The following PCM1 variants were observed in gnomAD, a reference collection of about 807,000 sequenced individuals.
The protein encoded by PCM1 is pericentriolar material 1.
Under a neutral mutation model 241.9 loss-of-function variants are expected in PCM1, and 157 were observed. That is an observed-to-expected ratio of 0.65 (90% CI 0.57 to 0.74). The LOEUF (loss-of-function observed/expected upper bound fraction) is 0.74. Ranked by LOEUF, PCM1 falls within the 30% of genes least tolerant of loss-of-function variation. PCM1 has a pLI of 0.00. For missense variants in PCM1, 3,478 were observed against 2,360.1 expected (o/e 1.47, Z -9.81); for synonymous variants, 1,085 against 784.9 (o/e 1.38, Z -6.39).
chr8:17,974,830 A>G (rs971179961), intron 23 of PCM1, among the ~76,000 whole-genome samples: 4 of 150,996 alleles, frequency 2.6e-5, no homozygotes, highest in Non-Finnish European at 5.9e-5. Flanking sequence ...ATTCAAGACC[A>G]TCTGTCAGTG....
intron 38 of PCM1, among the ~76,000 whole-genome samples, chr8:18,025,947 G>A (rs935763386): frequency 3.6e-4 from 54 of 151,924 alleles, no homozygotes; most frequent in African/African-American, 1.2e-3. Flanking sequence ...GGTGGATCAC[G>A]AGGTCAGGAG....
In PCM1 at chr8:17,933,732, A is replaced by G. The variant is rs543825856; in HGVS notation, c.-22-1857A>G. 4.0e-4 allele frequency among the ~76,000 whole-genome samples: 61 copies of G among 152,268 alleles called. No homozygotes were observed. In the Middle Eastern group the frequency reaches 0.028, roughly 69 times the overall value. ...GACGTTCTCTAGATTTTTAAAAAAT[A>G]CCTACTCTTTAAGAATACCACCTTT... On this transcript the variant is annotated intron_variant, in intron 2 of 38. Transcript: ENST00000325083.
At chr8:17,933,033 A>C (rs2059483860) in intron 2 of PCM1, among the ~76,000 whole-genome samples, 1 of 151,824 alleles carries the variant, frequency 6.6e-6, no homozygotes. Context: ...TGAGGTGAAG[A>C]ATACCACTTA....
Position 17,953,035 on chromosome 8 carries a change from G to T in PCM1, c.1137G>T (p.Gln379His), listed in dbSNP as rs981331877. 1 of 1,608,580 alleles carries T rather than the reference G, an allele frequency of 6.2e-7. No individual in the cohort carries two copies. ...ESLSLTREVS[Q>H]SRKPSASERL... ...TTTCATTAACTAGGGAGGTTTCCCAGAGCAGGAAACCATCAGCTTCAGAAC... is the reference window on the plus strand; with the variant it reads ...TTTCATTAACTAGGGAGGTTTCCCATAGCAGGAAACCATCAGCTTCAGAAC... Residue 379 changes from glutamine to histidine, a missense_variant, in exon 9 of 39, where the codon CAG (glutamine) becomes CAT (histidine). Coordinates refer to ENST00000325083, the MANE Select transcript of PCM1 (RefSeq NM_006197.4).
intron 29 of PCM1, among the ~76,000 whole-genome samples, chr8:18,003,457 T>A (rs3898982): frequency 1.3e-5 from 2 of 152,086 alleles, no homozygotes; most frequent in East Asian, 1.9e-4. Context: ...TAGAATGACC[T>A]TCTCCTCTTT....
intron 4 of PCM1, among the ~76,000 whole-genome samples, chr8:17,937,777 T>C (rs2060830193): frequency 6.6e-6 from 1 of 152,184 alleles, no homozygotes; most frequent in Non-Finnish European, 1.5e-5. Flanking sequence ...ATTTTCTGTT[T>C]ATAATCACCA....
intron 36 of PCM1, among the ~76,000 whole-genome samples, chr8:18,024,787 G>T (rs925429936): frequency 2.6e-5 from 4 of 152,128 alleles, no homozygotes; most frequent in Admixed American, 2.6e-4. Context: ...CAGGAGCAGG[G>T]TGAGAAACAG....
At chr8:17,939,380 C>G (rs1346792232) in intron 5 of PCM1, among the ~76,000 whole-genome samples, 1 of 36,794 alleles carries the variant, frequency 2.7e-5, no homozygotes, top group African/African-American at 1.1e-4. Context: ...AATTTATAAA[C>G]ATTAGGAAAA....
chr8:17,929,273 C>T lies in PCM1; in HGVS notation c.-23+4493C>T, dbSNP rs187917202. ...CACTTTTCCCCTTTTGGCAGGCTCT[C>T]CTGGTTTCCCTCCTGTCTTTCTGTA... On this transcript the variant is annotated intron_variant, in intron 2 of 38. Coordinates refer to ENST00000325083, the MANE Select transcript of PCM1 (RefSeq NM_006197.4). Among the ~76,000 whole-genome samples, 210 of 152,202 alleles carry T rather than the reference C, an allele frequency of 1.4e-3. 4 individuals are homozygous for T. Among genetic ancestry groups the T allele is most frequent in the Non-Finnish European group, 1.2e-4 (8 of 68,010 alleles).
intron 2 of PCM1, among the ~76,000 whole-genome samples, chr8:17,929,455 A>T (rs1043915189): frequency 6.6e-6 from 1 of 152,172 alleles, no homozygotes; most frequent in African/African-American, 2.4e-5. Context: ...CTGTTGAGAG[A>T]TAGATCGCTA....
Position 18,007,631 on chromosome 8 carries a change from C to G in PCM1, c.4962+1234C>G, listed in dbSNP as rs142020233. Among the ~76,000 whole-genome samples, 1,107 of 152,192 alleles carry G rather than the reference C, an allele frequency of 7.3e-3. 9 individuals are homozygous for G. The highest frequency in any genetic ancestry group is 0.026 in the African/African-American group (1,063 of 41,542). ...TTGACTGCTTTTCTTTCATCCCGTT[C>G]TTGATTTTTTCACAAGAGGACATAC... is the stretch of plus-strand genomic sequence containing the variant. On this transcript the variant is annotated intron_variant, in intron 30 of 38. Transcript: ENST00000325083.
chr8:17,989,988 A>G lies in PCM1; in HGVS notation c.4531+9A>G, dbSNP rs1417185974. 1.3e-6 allele frequency: 2 copies of G among 1,513,712 alleles called. No individual in the cohort carries two copies. Among genetic ancestry groups the G allele is most frequent in the Non-Finnish European group, 1.8e-6 (2 of 1,130,986 alleles). The allele number at this position is 1,513,712 out of a possible 1,614,324, so 93.8% of individuals were successfully genotyped here. A position where few individuals can be genotyped will look rare whatever the true frequency, so the allele number is the denominator to read the frequency against. ...TGCAACAGATGATCTAGGTAAGCAG[A>G]ATTGTTTATAATCTTAGAAACAACT... On this transcript the variant is annotated intron_variant, in intron 27 of 38. Coordinates refer to ENST00000325083, the MANE Select transcript of PCM1 (RefSeq NM_006197.4).
intron 18 of PCM1, 65 bp downstream of exon 18, chr8:17,964,833 A>G (rs186531010): frequency 2.2e-4 from 264 of 1,218,830 alleles, no homozygotes; most frequent in Non-Finnish European, 2.7e-4. Flanking sequence ...ACTGACAGCA[A>G]GCACTTCTGC....
chr8:17,961,126 A>G (rs568047457), intron 15 of PCM1, among the ~76,000 whole-genome samples: 1 of 152,256 alleles, frequency 6.6e-6, no homozygotes, highest in East Asian at 1.9e-4. Context: ...AAGGAAAATA[A>G]CTGTATGTGG....
At chr8:17,984,289 T>C (rs1198612620) in intron 24 of PCM1, among the ~76,000 whole-genome samples, 48 of 152,152 alleles carry the variant, frequency 3.2e-4, no homozygotes, top group Non-Finnish European at 4.4e-5. Flanking sequence ...AGATAAAAGT[T>C]TGCATATCAA....
At chr8:18,008,354 T>A (rs911036191) in intron 30 of PCM1, among the ~76,000 whole-genome samples, 8 of 151,974 alleles carry the variant, frequency 5.3e-5, no homozygotes, top group African/African-American at 1.9e-4. Context: ...CACCCCCATA[T>A]GAGACCATCT....
In PCM1 at chr8:17,969,653, G is replaced by A. The variant is rs148039141; in HGVS notation, c.3489G>A (p.Gln1163=). ...SQNISTPSEQ[Q]QPLAQNSSGK... ...ATATCTCTACACCCAGTGAACAGCAGCAACCCTTAGCCCAGAATTCTTCAG... is the reference window on the plus strand; with the variant it reads ...ATATCTCTACACCCAGTGAACAGCAACAACCCTTAGCCCAGAATTCTTCAG... The change falls in exon 22 of 39, where the codon CAG becomes CAA. Residue 1163 remains glutamine, a synonymous_variant. Coordinates refer to ENST00000325083, the MANE Select transcript of PCM1 (RefSeq NM_006197.4). The A allele has an allele frequency of 6.2e-6, 10 of 1,612,650 alleles. No homozygotes were observed. Among genetic ancestry groups the A allele is most frequent in the African/African-American group, 4.0e-5 (3 of 75,002 alleles).
chr8:17,967,384 C>T (rs983158976), intron 21 of PCM1, among the ~76,000 whole-genome samples: 5 of 151,704 alleles, frequency 3.3e-5, no homozygotes, highest in South Asian at 2.1e-4. Context: ...TCTTGGCTCA[C>T]GGCAGCCTCC....
intron 17 of PCM1, 22 bp from the exon 18 acceptor site, chr8:17,964,546 T>C (rs762636194): frequency 1.9e-6 from 3 of 1,589,962 alleles, no homozygotes; most frequent in South Asian, 2.2e-5. Flanking sequence ...ATGACATCTG[T>C]TTTATGTCTC....
Sources: gnomAD v4.1 joint callset for allele counts (sites outside exome capture counted in the v4.1 genomes callset) on GRCh38, gnomAD v4.1.1 for gene constraint, MANE v1.5 for transcripts, NCBI Gene and HGNC (gene_info 2026-07-23, HGNC 2026-07-21) for gene names.